GULP1: variants seen among roughly 807,000 people sequenced by gnomAD.
GULP1 encodes PTB domain-containing engulfment adapter protein 1.
GULP1 carries 19 observed loss-of-function variants against 40.9 expected under a neutral mutation model. That is an observed-to-expected ratio of 0.46 (90% confidence interval 0.32 to 0.68). GULP1 has a LOEUF of 0.68. Among genes scored for constraint, GULP1 ranks in the 30% least tolerant of loss-of-function variants. The pLI, the probability that GULP1 is intolerant of heterozygous loss-of-function variation, is 0.03. For synonymous variants in GULP1, 119 were observed against 117.6 expected (o/e 1.01, Z -0.08); for missense variants, 312 against 362.2 (o/e 0.86, Z 1.12).
chr2:188,456,640 C>T (rs954489848), intron 2 of GULP1, among the ~76,000 whole-genome samples: 8 of 152,182 alleles, frequency 5.3e-5, no homozygotes, highest in Non-Finnish European at 7.3e-5. Flanking sequence ...GCTAGGACAG[C>T]GAGGAAGGGA....
At chr2:188,561,711 C>T (rs952067463) in intron 7 of GULP1, among the ~76,000 whole-genome samples, 12 of 152,190 alleles carry the variant, frequency 7.9e-5, no homozygotes, top group South Asian at 2.1e-4. Flanking sequence ...GTAGTAGCCA[C>T]GCTGAGGCCC....
chr2:188,419,534 A>G (rs542371593), intron 2 of GULP1, among the ~76,000 whole-genome samples: 102 of 147,010 alleles, frequency 6.9e-4, no homozygotes, highest in African/African-American at 2.5e-3. Context: ...TTCTTTGCCC[A>G]TTTTTTAATT....
At chr2:188,585,921 C>T (rs1295761411) in intron 10 of GULP1, among the ~76,000 whole-genome samples, 1 of 152,166 alleles carries the variant, frequency 6.6e-6, no homozygotes, top group Admixed American at 6.5e-5. Context: ...TGCATATTTT[C>T]CAAACTTTTT....
chr2:188,325,936 C>T (rs1045111147), intron 1 of GULP1, among the ~76,000 whole-genome samples: 2 of 152,108 alleles, frequency 1.3e-5, no homozygotes, highest in East Asian at 1.9e-4. Context: ...TATTCTTGTA[C>T]GCATTGTTGC....
At chr2:188,433,323 G>T (rs1297258055) in intron 2 of GULP1, among the ~76,000 whole-genome samples, 1 of 152,134 alleles carries the variant, frequency 6.6e-6, no homozygotes, top group Non-Finnish European at 1.5e-5. Flanking sequence ...CTGTAGTCTA[G>T]ATTTCAGTGT....
At chr2:188,494,611 C>G (rs1343844118) in intron 4 of GULP1, among the ~76,000 whole-genome samples, 3 of 152,014 alleles carry the variant, frequency 2.0e-5, no homozygotes, top group Non-Finnish European at 4.4e-5. Flanking sequence ...TGGACCTCCT[C>G]TTCTTCCAGT....
intron 1 of GULP1, among the ~76,000 whole-genome samples, chr2:188,341,095 G>A (rs1355726386): frequency 6.6e-6 from 1 of 152,078 alleles, no homozygotes; most frequent in African/African-American, 2.4e-5. Context: ...CTCACTTTGG[G>A]CTGTGGTTCC....
chr2:188,316,913 C>A (rs1240587671), intron 1 of GULP1, among the ~76,000 whole-genome samples: 2 of 152,050 alleles, frequency 1.3e-5, no homozygotes, highest in Admixed American at 6.6e-5. Flanking sequence ...ACAATAAATT[C>A]AAGATCTCAT....
intron 4 of GULP1, among the ~76,000 whole-genome samples, chr2:188,503,614 T>A (rs2063639933): frequency 6.6e-6 from 1 of 151,916 alleles, no homozygotes; most frequent in South Asian, 2.1e-4. Context: ...AGTTAGCGTA[T>A]TTTATGTGTT....
intron 2 of GULP1, among the ~76,000 whole-genome samples, chr2:188,448,896 G>C (rs1357284510): frequency 6.6e-6 from 1 of 152,168 alleles, no homozygotes; most frequent in African/African-American, 2.4e-5. Context: ...CATGCAACAT[G>C]CCTGCTCCTG....
intron 1 of GULP1, among the ~76,000 whole-genome samples, chr2:188,302,019 T>TA (rs2036218717): frequency 6.6e-6 from 1 of 152,204 alleles, no homozygotes; most frequent in Non-Finnish European, 1.5e-5. Context: ...TTTGGCTACT[T>TA]AAAATAGTAT....
chr2:188,428,872 T>TA (rs1294753804), intron 2 of GULP1, among the ~76,000 whole-genome samples: 1 of 151,486 alleles, frequency 6.6e-6, no homozygotes, highest in Admixed American at 6.6e-5. Flanking sequence ...CTAAGGACTT[T>TA]AAAAAAAAGT....
intron 3 of GULP1, 61 bp downstream of exon 3, chr2:188,477,791 G>T: frequency 8.0e-7 from 1 of 1,245,026 alleles, no homozygotes; most frequent in Non-Finnish European, 1.1e-6. Flanking sequence ...AACATAAGCA[G>T]CGATGTTAAG....
intron 2 of GULP1, among the ~76,000 whole-genome samples, chr2:188,437,494 T>A (rs1037737154): frequency 3.3e-5 from 5 of 152,076 alleles, no homozygotes; most frequent in African/African-American, 1.2e-4. Flanking sequence ...ATGAGATTTT[T>A]AAAAAATGTA....
At chr2:188,465,503 A>G (rs1206346356) in intron 2 of GULP1, among the ~76,000 whole-genome samples, 1 of 152,026 alleles carries the variant, frequency 6.6e-6, no homozygotes, top group Non-Finnish European at 1.5e-5. Context: ...GCAGTCCCCT[A>G]GCAGTCCTGG....
At position 188,408,843 on chromosome 2, in the gene GULP1, A is replaced by G. The variant is rs537532365; in HGVS notation, c.-45+24954A>G. On this transcript the variant is annotated intron_variant, in intron 2 of 11. Coordinates refer to ENST00000409830, the MANE Select transcript of GULP1 (RefSeq NM_016315.4). ...TCTTTTCCATTCACAGTGGTGTAAA[A>G]CTGGAAATCAATCACAGGAGGAATT... Among the ~76,000 whole-genome samples, 11 of 152,342 alleles carry G rather than the reference A, an allele frequency of 7.2e-5. No individual in the cohort carries two copies. The South Asian group carries it at 2.3e-3, about 32-fold the overall frequency.
intron 1 of GULP1, among the ~76,000 whole-genome samples, chr2:188,336,024 T>C (rs573097776): frequency 3.9e-5 from 6 of 152,226 alleles, no homozygotes; most frequent in Non-Finnish European, 7.3e-5. Context: ...CTTCCAATTA[T>C]GAAATACCTA....
At chr2:188,371,697 T>G (rs1299523150) in intron 1 of GULP1, among the ~76,000 whole-genome samples, 1 of 152,150 alleles carries the variant, frequency 6.6e-6, no homozygotes, top group Non-Finnish European at 1.5e-5. Flanking sequence ...ATAATTAAGT[T>G]AAGCAAGCAT....
At chr2:188,510,080 A>C (rs2064349156) in intron 4 of GULP1, among the ~76,000 whole-genome samples, 1 of 152,102 alleles carries the variant, frequency 6.6e-6, no homozygotes, top group Admixed American at 6.6e-5. Flanking sequence ...CATTTAAAGA[A>C]TCTTCTCTCC....
Sources: gnomAD v4.1 joint callset for allele counts (sites outside exome capture counted in the v4.1 genomes callset) on GRCh38, gnomAD v4.1.1 for gene constraint, MANE v1.5 for transcripts, NCBI Gene and HGNC (gene_info 2026-07-23, HGNC 2026-07-21) for gene names.